SDK1: variants seen among roughly 807,000 people sequenced by gnomAD.
SDK1 encodes sidekick cell adhesion molecule 1.
SDK1 carries 157 observed loss-of-function variants against 245.5 expected under a neutral mutation model. That is an observed-to-expected ratio of 0.64 (90% CI 0.56 to 0.73). The LOEUF (loss-of-function observed/expected upper bound fraction) is 0.73. Ranked by LOEUF, SDK1 falls within the 30% of genes least tolerant of loss-of-function variation. The probability of loss-of-function intolerance (pLI) is 0.00; values close to 1 mark genes in which losing one functional copy is unlikely to be tolerated. For synonymous variants in SDK1, 1,647 were observed against 1,278.5 expected (o/e 1.29, Z -6.15); for missense variants, 3,583 against 3,002.3 (o/e 1.19, Z -4.52).
At chr7:3,902,329 AT>A (rs1398502913) in intron 5 of SDK1, among the ~76,000 whole-genome samples, 2 of 152,284 alleles carry the variant, frequency 1.3e-5, no homozygotes, top group East Asian at 3.9e-4. Flanking sequence ...AAGAACCCTG[AT>A]TCCCCATCAC....
intron 4 of SDK1, among the ~76,000 whole-genome samples, chr7:3,657,326 G>A (rs781022228): frequency 5.2e-4 from 79 of 152,186 alleles, no homozygotes; most frequent in Non-Finnish European, 5.4e-4. Context: ...TGTCACAGTT[G>A]GCACCCAGTG....
At chr7:3,716,393 A>T (rs1242409383) in intron 4 of SDK1, among the ~76,000 whole-genome samples, 5 of 152,234 alleles carry the variant, frequency 3.3e-5, no homozygotes, top group Non-Finnish European at 5.9e-5. Flanking sequence ...AGCTAAGGAA[A>T]AATTAGAACT....
intron 5 of SDK1, among the ~76,000 whole-genome samples, chr7:3,829,565 C>G (rs1190135172): frequency 6.6e-6 from 1 of 152,116 alleles, no homozygotes; most frequent in Non-Finnish European, 1.5e-5. Context: ...TTATTTGTCC[C>G]CCTCCCAAAA....
chr7:3,729,200 A>G (rs1446171125), intron 4 of SDK1, among the ~76,000 whole-genome samples: 3 of 152,204 alleles, frequency 2.0e-5, no homozygotes, highest in Middle Eastern at 3.2e-3. Flanking sequence ...AGTGTTCTTT[A>G]TCTTAGGAAA....
At chr7:3,973,847 T>C (rs1298292917) in intron 12 of SDK1, among the ~76,000 whole-genome samples, 4 of 151,982 alleles carry the variant, frequency 2.6e-5, no homozygotes, top group Non-Finnish European at 5.9e-5. Flanking sequence ...GTTGCTTTTC[T>C]TTTTTTTATT....
intron 5 of SDK1, among the ~76,000 whole-genome samples, chr7:3,898,898 T>C (rs935587831): frequency 6.6e-6 from 1 of 152,198 alleles, no homozygotes; most frequent in African/African-American, 2.4e-5. Context: ...TTTAAGGAAA[T>C]ATTTTACCTT....
chr7:4,094,615 G>C (rs754502032), intron 22 of SDK1, among the ~76,000 whole-genome samples: 54 of 152,376 alleles, frequency 3.5e-4, no homozygotes, highest in Admixed American at 7.2e-4. Context: ...GCCTCAGAGG[G>C]AGAAGCAAAG....
chr7:3,553,480 C>G (rs906779223), intron 1 of SDK1, among the ~76,000 whole-genome samples: 6 of 152,092 alleles, frequency 3.9e-5, no homozygotes, highest in Non-Finnish European at 8.8e-5. Context: ...GACTAAAGGA[C>G]TGACACAATG....
chr7:4,015,160 C>T (rs910597721), intron 16 of SDK1, among the ~76,000 whole-genome samples: 1 of 152,192 alleles, frequency 6.6e-6, no homozygotes, highest in Admixed American at 6.5e-5. Flanking sequence ...GGAAATGCTA[C>T]TGTCGTACCC....
At chr7:3,648,038 A>G (rs1054665113) in intron 4 of SDK1, among the ~76,000 whole-genome samples, 1 of 152,200 alleles carries the variant, frequency 6.6e-6, no homozygotes, top group African/African-American at 2.4e-5. Context: ...AACCCCATAC[A>G]TTTATTTTTC....
chr7:3,827,531 A>G (rs933116138), intron 5 of SDK1, among the ~76,000 whole-genome samples: 40 of 152,252 alleles, frequency 2.6e-4, no homozygotes, highest in African/African-American at 8.9e-4. Context: ...AAATGATTTT[A>G]TAAATCAGGT....
At position 3,840,638 on chromosome 7, in the gene SDK1, C is replaced by T. The variant is rs188547434; in HGVS notation, c.847+19055C>T. ...TTAAAGTTTTAAAAAACCAAGATTT[C>T]CAACAAGCTCCCAGGTGATGCTGAT... On this transcript the variant is annotated intron_variant, in intron 5 of 44. Coordinates refer to ENST00000404826, the MANE Select transcript of SDK1 (RefSeq NM_152744.4). 4.2e-3 allele frequency among the ~76,000 whole-genome samples: 635 copies of T among 152,286 alleles called. 6 individuals are homozygous for T. The highest frequency in any genetic ancestry group is 4.4e-3 in the Non-Finnish European group (302 of 68,020).
chr7:4,002,491 C>T (rs752080076), intron 14 of SDK1, among the ~76,000 whole-genome samples: 1 of 152,104 alleles, frequency 6.6e-6, no homozygotes, highest in Non-Finnish European at 1.5e-5. Context: ...TCTCCAAAAA[C>T]GTGAAAGTAA....
At chr7:3,618,118 C>G (rs927695967) in intron 1 of SDK1, among the ~76,000 whole-genome samples, 1 of 151,986 alleles carries the variant, frequency 6.6e-6, no homozygotes, top group Non-Finnish European at 1.5e-5. Context: ...ATTAGTGATG[C>G]TACAGCTAGA....
intron 5 of SDK1, among the ~76,000 whole-genome samples, chr7:3,905,007 A>ATAAT (rs557009996): frequency 3.0e-4 from 43 of 143,556 alleles, no homozygotes; most frequent in African/African-American, 9.7e-4. Flanking sequence ...AAAAAAAAAA[A>ATAAT]AATAATAATA....
At chr7:3,410,443 A>T (rs1189445266) in intron 1 of SDK1, among the ~76,000 whole-genome samples, 1 of 151,988 alleles carries the variant, frequency 6.6e-6, no homozygotes. Flanking sequence ...GAAATCAATC[A>T]CTTCTGGTTT....
At chr7:3,817,126 T>A (rs1056798431) in intron 4 of SDK1, among the ~76,000 whole-genome samples, 1 of 152,196 alleles carries the variant, frequency 6.6e-6, no homozygotes, top group East Asian at 1.9e-4. Context: ...AAAATACTTA[T>A]TGATAACCAA....
rs75863131 is a variant in SDK1, at chr7:4,169,572, C to T, written c.4801-4650C>T. The stretch of plus-strand genomic sequence containing the variant: ...CTCGCCGTCTCTGAGGCTTCAGAGC[C>T]GCCTTCCTCACTCAGTCTCTGGCAC... On this transcript the variant is annotated intron_variant, in intron 32 of 44. Coordinates refer to ENST00000404826, the MANE Select transcript of SDK1 (RefSeq NM_152744.4). 5.2e-3 allele frequency among the ~76,000 whole-genome samples: 785 copies of T among 152,300 alleles called. 4 individuals are homozygous for T. Among genetic ancestry groups the T allele is most frequent in the Non-Finnish European group, 9.4e-3 (638 of 68,026 alleles).
intron 4 of SDK1, among the ~76,000 whole-genome samples, chr7:3,698,285 G>A (rs1784633872): frequency 6.6e-6 from 1 of 152,184 alleles, no homozygotes; most frequent in Admixed American, 6.5e-5. Flanking sequence ...CCATCAGAAT[G>A]GTAAGAAAGA....
Sources: gnomAD v4.1 joint callset for allele counts (sites outside exome capture counted in the v4.1 genomes callset) on GRCh38, gnomAD v4.1.1 for gene constraint, MANE v1.5 for transcripts, NCBI Gene and HGNC (gene_info 2026-07-23, HGNC 2026-07-21) for gene names.